ETV7: variants seen among roughly 807,000 people sequenced by gnomAD.
ETV7 encodes transcription factor ETV7.
ETV7 carries 43 observed loss-of-function variants against 39.1 expected under a neutral mutation model. That is an observed-to-expected ratio of 1.10 (90% CI 0.86 to 1.42). ETV7 has a LOEUF of 1.42. Ranked by LOEUF, ETV7 falls within the 40% of genes most tolerant of loss-of-function variation. The pLI is 0.00. For missense variants in ETV7, 432 were observed against 442.3 expected, an observed-to-expected ratio of 0.98 and a Z score of 0.21; for synonymous variants, 196 against 176.6, an observed-to-expected ratio of 1.11 and a Z score of -0.87.
chr6:36,368,920 G>T lies in ETV7; in HGVS notation c.807+9C>A, dbSNP rs750955429. 1 of 1,614,094 alleles carries T rather than the reference G, an allele frequency of 6.2e-7. No homozygotes were observed. The highest frequency in any genetic ancestry group is 8.5e-7 in the Non-Finnish European group (1 of 1,179,990). On this transcript the variant is annotated intron_variant, in intron 6 of 7. Transcript: ENST00000340181. ...TTATGTTGAGACCATTCTGCTGGCC[G>T]AGGCTCACCTTGTGATTTCCCCAGA...
chr6:36,387,215 C>A (rs897355675), intron 1 of ETV7, among the ~76,000 whole-genome samples: 3 of 152,056 alleles, frequency 2.0e-5, no homozygotes, highest in Non-Finnish European at 4.4e-5. Context: ...GGCTGGCGCA[C>A]GAACTTCCAA....
chr6:36,383,863 C>T (rs1290388166), intron 2 of ETV7, among the ~76,000 whole-genome samples: 1 of 152,200 alleles, frequency 6.6e-6, no homozygotes, highest in Non-Finnish European at 1.5e-5. Context: ...GCTGCTGGGG[C>T]CCTGCCCATA....
chr6:36,366,858 T>A lies in ETV7; in HGVS notation c.908+17A>T. On this transcript the variant is annotated intron_variant, in intron 7 of 7. Transcript: ENST00000340181. ...CAGTTCTGCTTCCCCTTTCACCACA[T>A]CCCCTAGGCCACTCACCTGAACAGG... is the stretch of plus-strand genomic sequence containing the variant. 1.2e-6 allele frequency: 2 copies of A among 1,613,122 alleles called. No homozygotes were observed. The highest frequency in any genetic ancestry group is 1.7e-6 in the Non-Finnish European group (2 of 1,179,258).
At chr6:36,369,358 T>C (rs1450800150) in intron 5 of ETV7, among the ~76,000 whole-genome samples, 1 of 152,092 alleles carries the variant, frequency 6.6e-6, no homozygotes. Flanking sequence ...AAGTGGCAGG[T>C]AGAGCAGGGA....
intron 2 of ETV7, among the ~76,000 whole-genome samples, chr6:36,378,815 G>A (rs771195005): frequency 2.1e-4 from 32 of 152,186 alleles, no homozygotes; most frequent in Non-Finnish European, 3.5e-4. Context: ...CTCCAGACAC[G>A]GCCAAATGTC....
downstream of ETV7, chr6:36,366,158 C>T (rs1210878079): frequency 5.0e-6 from 5 of 992,978 alleles, no homozygotes; most frequent in African/African-American, 1.7e-5. Flanking sequence ...TGGGTGACAG[C>T]GCAAGACTGT....
In ETV7 at chr6:36,387,618, C is replaced by T. The variant is rs1306411283; in HGVS notation, c.-77G>A. 4.5e-6 allele frequency: 7 copies of T among 1,554,538 alleles called. No individual in the cohort carries two copies. The African/African-American group carries it at 8.2e-5, about 18-fold the overall frequency. ...GCTGTGGCTGCTGGGGCCCTAGGCC[C>T]GCGCCCCGCAGTCCTCCTCCGCCAA... On this transcript the variant is annotated 5_prime_UTR_variant, in exon 1 of 8. Coordinates refer to ENST00000340181, the MANE Select transcript of ETV7 (RefSeq NM_016135.4).
chr6:36,362,024 C>T (rs1026338350), downstream of ETV7, among the ~76,000 whole-genome samples: 7 of 151,788 alleles, frequency 4.6e-5, no homozygotes, highest in Non-Finnish European at 8.8e-5. Flanking sequence ...TGTGGCCGGG[C>T]GCGGTGGCTC....
intron 5 of ETV7, 125 bp downstream of exon 5, chr6:36,371,205 C>A: frequency 1.0e-6 from 1 of 959,412 alleles, no homozygotes; most frequent in Non-Finnish European, 1.6e-6. Context: ...GTCAACGCTA[C>A]CCTGCAATCC....
chr6:36,372,914 G>A (rs1773104236), intron 4 of ETV7, among the ~76,000 whole-genome samples: 1 of 151,724 alleles, frequency 6.6e-6, no homozygotes, highest in African/African-American at 2.4e-5. Context: ...TCTGAATGCA[G>A]ATAGAGAAGC....
rs1224088458 is a variant in ETV7 at position 36,371,655 on chromosome 6, G to A, written c.434-95C>T. On this transcript the variant is annotated intron_variant, in intron 4 of 7. Coordinates refer to ENST00000340181, the MANE Select transcript of ETV7 (RefSeq NM_016135.4). ...GTGAGCCTGGGAGCCCTGTGGGGCA[G>A]CACTCCTGATGCTCTTTCTCCAACC... is the stretch of plus-strand genomic sequence containing the variant. The A allele has an allele frequency of 1.2e-5, 13 of 1,105,004 alleles. No individual in the cohort carries two copies. In the South Asian group the frequency reaches 1.5e-4, roughly 13 times the overall value. The allele number at this position is 1,105,004 out of a possible 1,614,324, so 68.4% of individuals were successfully genotyped here.
downstream of ETV7, among the ~76,000 whole-genome samples, chr6:36,362,361 G>A (rs1002832390): frequency 2.0e-5 from 3 of 152,068 alleles, no homozygotes; most frequent in Admixed American, 6.5e-5. Context: ...TACTCGGGAG[G>A]CTGAGGCAGG....
chr6:36,383,703 A>G (rs1272121501), intron 2 of ETV7, among the ~76,000 whole-genome samples: 1 of 152,210 alleles, frequency 6.6e-6, no homozygotes, highest in East Asian at 1.9e-4. Context: ...CTTGTTTGGG[A>G]TGCTGTTGAC....
At chr6:36,383,860 G>GGGCCCTGCCCATA (rs1329612597) in intron 2 of ETV7, among the ~76,000 whole-genome samples, 1 of 152,184 alleles carries the variant, frequency 6.6e-6, no homozygotes, top group Non-Finnish European at 1.5e-5. Flanking sequence ...GATGCTGCTG[G>GGGCCCTGCCCATA]GGCCCTGCCC....
chr6:36,387,639 G>T lies in ETV7; in HGVS notation c.-98C>A. ...GGCCCGCGCCCCGCAGTCCTCCTCC[G>T]CCAAACCCCTAACCTGGCTCCGAGA... On this transcript the variant is annotated 5_prime_UTR_variant, in exon 1 of 8. Transcript: ENST00000340181. The T allele has an allele frequency of 1.5e-6, 2 of 1,373,320 alleles. No homozygotes were observed. Among genetic ancestry groups the T allele is most frequent in the South Asian group, 1.2e-5 (1 of 84,212 alleles). 85.1% of individuals were successfully genotyped at this position (1,373,320 alleles called of 1,614,324 possible).
intron 7 of ETV7, among the ~76,000 whole-genome samples, chr6:36,357,508 A>C (rs28645108): frequency 0.21 from 31,610 of 152,044 alleles, 3,666 homozygotes; most frequent in East Asian, 0.29. Context: ...AAAAGGAGCA[A>C]GGAATATAGG....
At chr6:36,354,465 T>G in exon 8 of ETV7, 1 of 472,652 alleles carries the variant, frequency 2.1e-6, no homozygotes. Context: ...TTTATTCTTT[T>G]GCATGTGGAC....
At chr6:36,365,174 G>GA (rs1217022486), downstream of ETV7, among the ~76,000 whole-genome samples, 1 of 152,206 alleles carries the variant, frequency 6.6e-6, no homozygotes, top group Non-Finnish European at 1.5e-5. Context: ...TTGGTTAAAT[G>GA]AAAATACTCC....
intron 3 of ETV7, among the ~76,000 whole-genome samples, chr6:36,374,336 A>G (rs577890850): frequency 2.8e-4 from 43 of 151,440 alleles, no homozygotes; most frequent in Non-Finnish European, 5.9e-4. Context: ...TAGCCTGGGC[A>G]ATAGAGTGAG....
Sources: gnomAD v4.1 joint callset for allele counts (sites outside exome capture counted in the v4.1 genomes callset) on GRCh38, gnomAD v4.1.1 for gene constraint, MANE v1.5 for transcripts, NCBI Gene and HGNC (gene_info 2026-07-23, HGNC 2026-07-21) for gene names.